TTLL5: variants seen among roughly 807,000 people sequenced by gnomAD.
TTLL5 encodes the protein tubulin polyglutamylase TTLL5.
A neutral mutation model predicts 168.4 loss-of-function variants in TTLL5; 132 were observed. That is an observed-to-expected ratio of 0.78 (90% CI 0.68 to 0.91). The LOEUF (loss-of-function observed/expected upper bound fraction) is 0.91, where lower values mean the gene tolerates loss of function less well. TTLL5 is among the 40% of genes least tolerant of loss of function. The pLI is 0.00. For synonymous variants in TTLL5, 546 were observed against 558.6 expected, an observed-to-expected ratio of 0.98 and a Z score of 0.32; for missense variants, 1,545 against 1,581.5, an observed-to-expected ratio of 0.98 and a Z score of 0.39.
intron 9 of TTLL5, among the ~76,000 whole-genome samples, chr14:75,717,333 T>C (rs1226343828): frequency 6.6e-6 from 1 of 152,168 alleles, no homozygotes; most frequent in Non-Finnish European, 1.5e-5. Context: ...TAGGCTGGTC[T>C]CAAACTCCTG....
intron 28 of TTLL5, among the ~76,000 whole-genome samples, chr14:75,835,745 A>G (rs544010288): frequency 1.3e-5 from 2 of 152,376 alleles, no homozygotes; most frequent in Admixed American, 6.5e-5. Context: ...AGACCTGAAC[A>G]GACATTTGTC....
chr14:75,828,951 CCT>C (rs1895395663), intron 28 of TTLL5, among the ~76,000 whole-genome samples: 1 of 152,160 alleles, frequency 6.6e-6, no homozygotes, highest in South Asian at 2.1e-4. Context: ...CTGAATATCT[CCT>C]CAGTGTGAGA....
chr14:75,824,360 A>C (rs1895000394), intron 28 of TTLL5, among the ~76,000 whole-genome samples: 1 of 152,200 alleles, frequency 6.6e-6, no homozygotes, highest in African/African-American at 2.4e-5. Context: ...GGGGCATATG[A>C]CAAAGATCTG....
At chr14:75,791,105 CA>C (rs372035829) in intron 26 of TTLL5, among the ~76,000 whole-genome samples, 121 of 77,268 alleles carry the variant, frequency 1.6e-3, no homozygotes, top group East Asian at 8.4e-3. Flanking sequence ...GACTCTGTCT[CA>C]AAAAAAAAAA....
At position 75,743,431 on chromosome 14, in the gene TTLL5, C is replaced by T. The variant is rs781058656; in HGVS notation, c.1282-1664C>T. Among the ~76,000 whole-genome samples, 124 of 152,122 alleles carry T rather than the reference C, an allele frequency of 8.2e-4. 1 individual carries two copies. The highest frequency in any genetic ancestry group is 1.4e-3 in the Admixed American group (22 of 15,288). On this transcript the variant is annotated intron_variant, in intron 15 of 31. Coordinates refer to ENST00000298832, the MANE Select transcript of TTLL5 (RefSeq NM_015072.5). The stretch of plus-strand genomic sequence containing the variant: ...CTGAAGGCTGAGAAGTCCGAGGTGC[C>T]GGCAAGATAGGCTTCATTCTAAGTC...
At chr14:75,890,106 A>G (rs2032326884) in intron 30 of TTLL5, among the ~76,000 whole-genome samples, 1 of 152,208 alleles carries the variant, frequency 6.6e-6, no homozygotes, top group African/African-American at 2.4e-5. Flanking sequence ...TGTTTTGGAA[A>G]GACCCATGAG....
chr14:75,788,611 A>G (rs942904726), intron 26 of TTLL5, among the ~76,000 whole-genome samples: 7 of 152,190 alleles, frequency 4.6e-5, no homozygotes, highest in African/African-American at 1.7e-4. Context: ...AAAGTGATAC[A>G]GTAGTTGAAA....
chr14:75,677,764 C>T (rs1340523430), intron 3 of TTLL5, among the ~76,000 whole-genome samples: 1 of 151,408 alleles, frequency 6.6e-6, no homozygotes, highest in Non-Finnish European at 1.5e-5. Flanking sequence ...ACTACAGGCG[C>T]CCACCCGTAC....
chr14:75,851,614 G>A lies in TTLL5; in HGVS notation c.3327-12053G>A, dbSNP rs530415831. Reference sequence around the variant, plus strand: ...TAGAGCATTCTGCAGCGGGATTGGCGTGGAGCAGCAGGCTTCCACCATAGG... The same window carrying A: ...TAGAGCATTCTGCAGCGGGATTGGCATGGAGCAGCAGGCTTCCACCATAGG... On this transcript the variant is annotated intron_variant, in intron 28 of 31. Coordinates refer to ENST00000298832, the MANE Select transcript of TTLL5 (RefSeq NM_015072.5). 7.4e-4 allele frequency among the ~76,000 whole-genome samples: 112 copies of A among 152,272 alleles called. 1 individual carries two copies. The highest frequency in any genetic ancestry group is 6.8e-3 in the Middle Eastern group (2 of 294).
rs557544716 is a variant in TTLL5, at chr14:75,701,441, T to C, written c.585+2171T>C. Among the ~76,000 whole-genome samples, 3 of 152,306 alleles carry C rather than the reference T, an allele frequency of 2.0e-5. No individual in the cohort carries two copies. In the East Asian group the frequency reaches 5.8e-4, roughly 29 times the overall value. ...GTTGTGTAGGACTCTTTTCCTAATA[T>C]CTTCTCCCTGGAAGAGGCTGACTGT... On this transcript the variant is annotated intron_variant, in intron 7 of 31. Transcript: ENST00000298832.
chr14:75,919,441 G>T (rs1025605301), intron 31 of TTLL5, among the ~76,000 whole-genome samples: 1 of 152,088 alleles, frequency 6.6e-6, no homozygotes, highest in Non-Finnish European at 1.5e-5. Flanking sequence ...TAAATGTCCA[G>T]AAATAAACTT....
rs914791469 is a variant in TTLL5 at position 75,901,513 on chromosome 14, C to T, written c.3741-629C>T. ...ATGCTGTGTACATTTCTCAGTCTTG[C>T]GATTATTGACACCATGGAGTAGATA... is the stretch of plus-strand genomic sequence containing the variant. On this transcript the variant is annotated intron_variant, in intron 30 of 31. Transcript: ENST00000298832. Among the ~76,000 whole-genome samples, 12 of 152,264 alleles carry T rather than the reference C, an allele frequency of 7.9e-5. No individual in the cohort carries two copies. The East Asian group carries it at 1.5e-3, about 20-fold the overall frequency.
intron 31 of TTLL5, among the ~76,000 whole-genome samples, chr14:75,938,992 G>A (rs2034515348): frequency 2.6e-5 from 4 of 152,194 alleles, no homozygotes. Context: ...TCGCAACCAG[G>A]CTCACAAGAG....
intron 18 of TTLL5, among the ~76,000 whole-genome samples, chr14:75,762,686 T>C (rs1476353676): frequency 6.6e-6 from 1 of 152,234 alleles, no homozygotes; most frequent in Non-Finnish European, 1.5e-5. Flanking sequence ...CCAGGGTCTC[T>C]TGGTTCTTAG....
intron 28 of TTLL5, among the ~76,000 whole-genome samples, chr14:75,830,452 A>T (rs973462893): frequency 1.3e-5 from 2 of 152,224 alleles, no homozygotes; most frequent in South Asian, 2.1e-4. Context: ...TTCTCAGCAC[A>T]CACAAAAATA....
chr14:75,720,985 A>G (rs1401391482), intron 12 of TTLL5, among the ~76,000 whole-genome samples: 3 of 152,142 alleles, frequency 2.0e-5, no homozygotes, highest in Non-Finnish European at 4.4e-5. Flanking sequence ...TCTGCAACGG[A>G]CTGTACAGGA....
intron 28 of TTLL5, among the ~76,000 whole-genome samples, chr14:75,823,005 T>C (rs536708342): frequency 6.6e-6 from 1 of 152,158 alleles, no homozygotes; most frequent in Non-Finnish European, 1.5e-5. Flanking sequence ...GTGAGATTAA[T>C]TGCAGGCCAT....
intron 29 of TTLL5, among the ~76,000 whole-genome samples, chr14:75,870,353 C>T (rs1445810852): frequency 3.9e-5 from 6 of 151,950 alleles, no homozygotes; most frequent in Non-Finnish European, 8.8e-5. Context: ...GCTATCCTCC[C>T]ACCTCTTGCC....
At chr14:75,712,383 G>A (rs1357429867) in intron 9 of TTLL5, 1 of 148,206 alleles carries the variant, frequency 6.7e-6, no homozygotes, top group African/African-American at 2.5e-5. Context: ...TGTAGTGAAT[G>A]TTTGTCAGAA....
Sources: allele counts gnomAD v4.1 joint callset (sites outside exome capture counted in the v4.1 genomes callset), GRCh38; gene constraint gnomAD v4.1.1; transcripts MANE v1.5; gene names NCBI Gene and HGNC (gene_info 2026-07-23, HGNC 2026-07-21).